CCSER1: variants seen among roughly 807,000 people sequenced by gnomAD.
CCSER1 encodes the protein serine-rich coiled-coil domain-containing protein 1.
In CCSER1, 41 loss-of-function variants were observed where a neutral mutation model predicts 82.0. The observed-to-expected ratio is 0.50, with a 90% CI of 0.39 to 0.65. CCSER1 has a LOEUF of 0.65. CCSER1 is among the 30% of genes least tolerant of loss of function. The probability of loss-of-function intolerance (pLI) is 0.00; values close to 1 mark genes in which losing one functional copy is unlikely to be tolerated. For missense variants in CCSER1, 1,119 were observed against 1,064.2 expected, an observed-to-expected ratio of 1.05 and a Z score of -0.72; for synonymous variants, 414 against 383.9, an observed-to-expected ratio of 1.08 and a Z score of -0.92.
chr4:90,950,185 A>G (rs1165699813), intron 9 of CCSER1, among the ~76,000 whole-genome samples: 1 of 152,178 alleles, frequency 6.6e-6, no homozygotes, highest in East Asian at 1.9e-4. Context: ...TAAAAAGAGA[A>G]AGTAAAATTA....
intron 10 of CCSER1, among the ~76,000 whole-genome samples, chr4:91,441,149 C>A (rs1226299622): frequency 6.6e-6 from 1 of 152,134 alleles, no homozygotes; most frequent in Non-Finnish European, 1.5e-5. Flanking sequence ...ATACCAAAGC[C>A]AGGCAGAGAC....
chr4:91,375,009 G>C (rs1455459971), intron 10 of CCSER1, among the ~76,000 whole-genome samples: 1 of 152,020 alleles, frequency 6.6e-6, no homozygotes, highest in Non-Finnish European at 1.5e-5. Flanking sequence ...AAAAAAAATT[G>C]TCATTTTGTA....
At chr4:91,526,055 ATTCTG>A (rs762557006) in intron 10 of CCSER1, among the ~76,000 whole-genome samples, 17 of 152,202 alleles carry the variant, frequency 1.1e-4, no homozygotes, top group Non-Finnish European at 1.9e-4. Context: ...AAAAATCCAC[ATTCTG>A]TAGAGAATCT....
chr4:91,007,975 G>T lies in CCSER1; in HGVS notation c.2173-77975G>T, dbSNP rs1738670114. Among the ~76,000 whole-genome samples the T allele has an allele frequency of 2.0e-5, 3 of 151,792 alleles. No homozygotes were observed. In the South Asian group the frequency reaches 6.2e-4, roughly 32 times the overall value. ...TTTGTCTCTAAAATTTTAAAATTTTGCTTTTAATTTCTTAGTTGACCCATT... is the reference window on the plus strand; with the variant it reads ...TTTGTCTCTAAAATTTTAAAATTTTTCTTTTAATTTCTTAGTTGACCCATT... On this transcript the variant is annotated intron_variant, in intron 9 of 10. Transcript: ENST00000509176.
chr4:90,195,166 C>CT (rs927125053), intron 1 of CCSER1, among the ~76,000 whole-genome samples: 1 of 152,030 alleles, frequency 6.6e-6, no homozygotes, highest in African/African-American at 2.4e-5. Context: ...TTATAGCAGC[C>CT]TTTTTCATAA....
chr4:90,504,736 T>C (rs568814965), intron 5 of CCSER1, among the ~76,000 whole-genome samples: 6 of 152,264 alleles, frequency 3.9e-5, no homozygotes, highest in African/African-American at 1.4e-4. Context: ...GTAGAAATGC[T>C]ATTACAGAAA....
chr4:90,778,214 T>C (rs1418986177), intron 7 of CCSER1, among the ~76,000 whole-genome samples: 5 of 152,186 alleles, frequency 3.3e-5, no homozygotes, highest in Admixed American at 6.5e-5. Flanking sequence ...GTAGAAAATT[T>C]AGGACTAACA....
intron 7 of CCSER1, among the ~76,000 whole-genome samples, chr4:90,754,153 T>C (rs1158666485): frequency 2.0e-5 from 3 of 152,186 alleles, no homozygotes; most frequent in South Asian, 4.1e-4. Context: ...TGTATGCATG[T>C]GTTTAAAATC....
intron 9 of CCSER1, among the ~76,000 whole-genome samples, chr4:91,016,928 T>A (rs1739479117): frequency 6.6e-6 from 1 of 152,026 alleles, no homozygotes; most frequent in Admixed American, 6.6e-5. Context: ...AGAGTTTGAA[T>A]ATAGGAGAGA....
intron 6 of CCSER1, among the ~76,000 whole-genome samples, chr4:90,666,611 T>C (rs772729219): frequency 4.9e-4 from 74 of 152,060 alleles, no homozygotes; most frequent in Non-Finnish European, 6.9e-4. Flanking sequence ...TATGGAGTGG[T>C]GATAATTAGG....
intron 10 of CCSER1, among the ~76,000 whole-genome samples, chr4:91,250,792 T>C (rs1207688611): frequency 6.6e-6 from 1 of 152,044 alleles, no homozygotes; most frequent in Non-Finnish European, 1.5e-5. Flanking sequence ...ATTATTAATA[T>C]TGCTTTTCTT....
At chr4:90,298,826 A>G (rs1732518992) in intron 1 of CCSER1, among the ~76,000 whole-genome samples, 1 of 152,134 alleles carries the variant, frequency 6.6e-6, no homozygotes, top group Non-Finnish European at 1.5e-5. Context: ...CTTAACAGTT[A>G]TGCATTCACT....
At position 90,812,783 on chromosome 4, in the gene CCSER1, GGAGA is replaced by G. The variant is rs576180696; in HGVS notation, c.2011-2969_2011-2966del. Among the ~76,000 whole-genome samples the G allele has an allele frequency of 1.4e-3, 210 of 152,032 alleles. 1 individual carries two copies. The South Asian group carries it at 0.022, about 16-fold the overall frequency. ...CAAGGTACTTCTTCACAAAGCAGCA[GGAGA>G]GAGAGAGAGCTTAAGGGAAACTGCC... On this transcript the variant is annotated intron_variant, in intron 7 of 10. Transcript: ENST00000509176.
intron 6 of CCSER1, among the ~76,000 whole-genome samples, chr4:90,659,554 T>G (rs777203500): frequency 6.6e-6 from 1 of 152,056 alleles, no homozygotes; most frequent in Admixed American, 6.6e-5. Context: ...TTCCAAACCA[T>G]GTATTGTGGG....
At chr4:90,835,485 A>G (rs546118702) in intron 8 of CCSER1, among the ~76,000 whole-genome samples, 1 of 152,240 alleles carries the variant, frequency 6.6e-6, no homozygotes, top group Admixed American at 6.5e-5. Flanking sequence ...TGTGTACGGT[A>G]TTTATTACCG....
rs77816434 is a variant in CCSER1 at position 91,474,621 on chromosome 4, C to A, written c.2218-123951C>A. Among the ~76,000 whole-genome samples the A allele has an allele frequency of 9.9e-5, 15 of 151,404 alleles. 1 individual carries two copies. In the South Asian group the frequency reaches 3.1e-3, roughly 31 times the overall value. ...TTTACATTTTACCACATCAGGCTGC[C>A]TCATGATGGGATATGTTGCAATCTA... is the stretch of plus-strand genomic sequence containing the variant. On this transcript the variant is annotated intron_variant, in intron 10 of 10. Coordinates refer to ENST00000509176, the MANE Select transcript of CCSER1 (RefSeq NM_001145065.2).
At chr4:91,301,643 A>G (rs1176137498) in intron 10 of CCSER1, among the ~76,000 whole-genome samples, 1 of 151,748 alleles carries the variant, frequency 6.6e-6, no homozygotes, top group African/African-American at 2.4e-5. Context: ...CTCTATGCAA[A>G]CCTATGTCCT....
chr4:90,200,061 G>GACACACAC (rs71596519), intron 1 of CCSER1, among the ~76,000 whole-genome samples: 5,925 of 144,894 alleles, frequency 0.041, 267 homozygotes, highest in East Asian at 0.25. Flanking sequence ...CGTGCACGCA[G>GACACACAC]ACACACACAC....
intron 6 of CCSER1, among the ~76,000 whole-genome samples, chr4:90,654,653 C>T (rs1421279816): frequency 6.6e-6 from 1 of 152,040 alleles, no homozygotes; most frequent in African/African-American, 2.4e-5. Context: ...TCATTCAAAA[C>T]CACTTATTTA....
Sources: allele counts gnomAD v4.1 joint callset (sites outside exome capture counted in the v4.1 genomes callset), GRCh38; gene constraint gnomAD v4.1.1; transcripts MANE v1.5; gene names NCBI Gene and HGNC (gene_info 2026-07-23, HGNC 2026-07-21).